TACR1: variants seen among roughly 807,000 people sequenced by gnomAD.
TACR1 encodes tachykinin receptor 1, also known as substance-P receptor.
A neutral mutation model predicts 35.8 loss-of-function variants in TACR1; 25 were observed. The observed-to-expected ratio is 0.70, with a 90% CI of 0.51 to 0.98. The LOEUF (loss-of-function observed/expected upper bound fraction) is 0.98. Ranked by LOEUF, TACR1 falls within the 50% of genes least tolerant of loss-of-function variation. TACR1 has a pLI of 0.00. For missense variants in TACR1, 478 were observed against 522.9 expected, an observed-to-expected ratio of 0.91 and a Z score of 0.84; for synonymous variants, 195 against 206.7, an observed-to-expected ratio of 0.94 and a Z score of 0.48.
At chr2:75,057,441 C>A (rs1672590984) in intron 2 of TACR1, among the ~76,000 whole-genome samples, 1 of 152,202 alleles carries the variant, frequency 6.6e-6, no homozygotes, top group African/African-American at 2.4e-5. Flanking sequence ...CCTTGTTGCT[C>A]ACACAAAACC....
At chr2:75,110,626 A>C (rs541538776) in intron 2 of TACR1, among the ~76,000 whole-genome samples, 1 of 152,058 alleles carries the variant, frequency 6.6e-6, no homozygotes, top group African/African-American at 2.4e-5. Context: ...TATGATAAAT[A>C]ATATTATGAT....
In TACR1 at chr2:75,058,602, C is replaced by T. The variant is rs183836432; in HGVS notation, c.585-4847G>A. Among the ~76,000 whole-genome samples, 463 of 152,318 alleles carry T rather than the reference C, an allele frequency of 3.0e-3. 3 individuals carry two copies. Among genetic ancestry groups the T allele is most frequent in the African/African-American group, 0.011 (445 of 41,574 alleles). On this transcript the variant is annotated intron_variant, in intron 2 of 4. Transcript: ENST00000305249. Reference sequence around the variant, plus strand: ...GGGTTGTCATAGACCTGAGAGAACCCAGCACCATGATTTTGATCATTAAAT... The same window carrying T: ...GGGTTGTCATAGACCTGAGAGAACCTAGCACCATGATTTTGATCATTAAAT...
At chr2:75,119,936 C>T (rs573509580) in intron 2 of TACR1, among the ~76,000 whole-genome samples, 98 of 152,242 alleles carry the variant, frequency 6.4e-4, no homozygotes, top group Non-Finnish European at 1.0e-3. Flanking sequence ...GTACATTACC[C>T]AGGCAGCTAC....
chr2:75,192,599 T>G (rs1675875716), intron 1 of TACR1, among the ~76,000 whole-genome samples: 1 of 152,228 alleles, frequency 6.6e-6, no homozygotes, highest in African/African-American at 2.4e-5. Context: ...ATTGCTTTTC[T>G]GCCTCCAATG....
At chr2:75,052,283 G>A (rs923977537) in intron 3 of TACR1, among the ~76,000 whole-genome samples, 3 of 152,166 alleles carry the variant, frequency 2.0e-5, no homozygotes, top group African/African-American at 7.2e-5. Context: ...GACTTAGAAA[G>A]TGCCATCCAT....
At chr2:75,152,020 G>A (rs990512714) in intron 1 of TACR1, among the ~76,000 whole-genome samples, 1 of 152,188 alleles carries the variant, frequency 6.6e-6, no homozygotes, top group African/African-American at 2.4e-5. Context: ...TGGAATGGCT[G>A]TATTTACCCA....
chr2:75,176,625 G>A (rs902831232), intron 1 of TACR1, among the ~76,000 whole-genome samples: 6 of 152,104 alleles, frequency 3.9e-5, no homozygotes, highest in Non-Finnish European at 8.8e-5. Flanking sequence ...CTAGACTGCT[G>A]TTCCACAGCA....
chr2:75,154,410 G>GCGCGCGCGCA (rs1166779798), intron 1 of TACR1: 39 of 75,408 alleles, frequency 5.2e-4, no homozygotes, highest in East Asian at 6.7e-4. Context: ...GAGCGCGCAC[G>GCGCGCGCGCA]CACACACACA....
rs181863027 is a variant in TACR1 at position 75,152,335 on chromosome 2, G to T, written c.390-31567C>A. Among the ~76,000 whole-genome samples, 503 of 152,290 alleles carry T rather than the reference G, an allele frequency of 3.3e-3. 3 individuals are homozygous for T. The highest frequency in any genetic ancestry group is 0.011 in the African/African-American group (476 of 41,548). On this transcript the variant is annotated intron_variant, in intron 1 of 4. Transcript: ENST00000305249. Reference sequence around the variant, plus strand: ...TGTTGTGGGAGGAACCCAGGGGGAGGTAATTGAATCATGGGGGCCAGTGTT... The same window carrying T: ...TGTTGTGGGAGGAACCCAGGGGGAGTTAATTGAATCATGGGGGCCAGTGTT...
chr2:75,064,691 T>A (rs188865820), intron 2 of TACR1, among the ~76,000 whole-genome samples: 5 of 152,336 alleles, frequency 3.3e-5, no homozygotes, highest in African/African-American at 1.2e-4. Context: ...AGAACAGTGG[T>A]ATCTGAGTGC....
chr2:75,051,112 G>A (rs1672456180), intron 4 of TACR1, 139 bp downstream of exon 4: 1 of 1,058,560 alleles, frequency 9.4e-7, no homozygotes, highest in Non-Finnish European at 1.4e-6. Flanking sequence ...GCTGAGTTGT[G>A]TGATGATAAG....
chr2:75,137,220 A>T (rs1397564996), intron 1 of TACR1, among the ~76,000 whole-genome samples: 1 of 152,220 alleles, frequency 6.6e-6, no homozygotes, highest in Non-Finnish European at 1.5e-5. Flanking sequence ...CAAACAACAC[A>T]TTCCAGGTCT....
At chr2:75,120,534 C>A in intron 2 of TACR1, 40 bp downstream of exon 2, 1 of 1,538,916 alleles carries the variant, frequency 6.5e-7, no homozygotes, top group Non-Finnish European at 8.8e-7. Context: ...AGGCAGCCTG[C>A]ACCATCGTTT....
chr2:75,182,355 C>G (rs1675579196), intron 1 of TACR1, among the ~76,000 whole-genome samples: 1 of 152,158 alleles, frequency 6.6e-6, no homozygotes, highest in Non-Finnish European at 1.5e-5. Flanking sequence ...GGGCAGGCAA[C>G]TGTAAATGGC....
At chr2:75,174,234 G>C (rs1281026038) in intron 1 of TACR1, among the ~76,000 whole-genome samples, 1 of 152,198 alleles carries the variant, frequency 6.6e-6, no homozygotes, top group African/African-American at 2.4e-5. Context: ...ATTTTCTACT[G>C]AAAGCACTTG....
At chr2:75,057,271 G>A (rs1202136825) in intron 2 of TACR1, among the ~76,000 whole-genome samples, 1 of 152,032 alleles carries the variant, frequency 6.6e-6, no homozygotes, top group Non-Finnish European at 1.5e-5. Flanking sequence ...CTCCCCTACT[G>A]AGCACCTTGT....
intron 2 of TACR1, among the ~76,000 whole-genome samples, chr2:75,088,347 A>T (rs1443400730): frequency 6.6e-6 from 1 of 151,990 alleles, no homozygotes; most frequent in Non-Finnish European, 1.5e-5. Flanking sequence ...AACTCCTCAA[A>T]GCTTAGCTCC....
intron 1 of TACR1, among the ~76,000 whole-genome samples, chr2:75,127,754 G>A (rs569180860): frequency 1.5e-4 from 23 of 152,208 alleles, no homozygotes; most frequent in Non-Finnish European, 3.1e-4. Context: ...CTCATGAGAC[G>A]AGGTGATTCC....
intron 1 of TACR1, among the ~76,000 whole-genome samples, chr2:75,140,024 A>G (rs1674370386): frequency 6.6e-6 from 1 of 152,208 alleles, no homozygotes; most frequent in Admixed American, 6.5e-5. Flanking sequence ...ACATGTTTCC[A>G]TTAAAATGGA....
Sources: allele counts gnomAD v4.1 joint callset (sites outside exome capture counted in the v4.1 genomes callset), GRCh38; gene constraint gnomAD v4.1.1; transcripts MANE v1.5; gene names NCBI Gene and HGNC (gene_info 2026-07-23, HGNC 2026-07-21).